The following SCUBE1 variants were observed in gnomAD, a reference collection of about 807,000 sequenced individuals.
SCUBE1 encodes the protein signal peptide, CUB domain and EGF like domain containing 1.
SCUBE1 carries 59 observed loss-of-function variants against 124.4 expected under a neutral mutation model. The observed-to-expected ratio is 0.47, with a 90% CI of 0.38 to 0.59. The LOEUF (loss-of-function observed/expected upper bound fraction) is 0.59. Ranked by LOEUF, SCUBE1 falls within the 20% of genes least tolerant of loss-of-function variation. The pLI, the probability that SCUBE1 is intolerant of heterozygous loss-of-function variation, is 0.00. For synonymous variants in SCUBE1, 545 were observed against 550.9 expected (o/e 0.99, Z 0.15); for missense variants, 1,150 against 1,371.2 (o/e 0.84, Z 2.55).
rs1451620679 is a variant in SCUBE1 at position 43,212,471 on chromosome 22, G to A, written c.2175C>T (p.Leu725=). The change falls in exon 17 of 22, where the codon CTC becomes CTT. Residue 725 remains leucine, a synonymous_variant. Coordinates refer to ENST00000360835, the MANE Select transcript of SCUBE1 (RefSeq NM_173050.5). ...AGGAGGTGGTGCCTTCGTGTTTGGT[G>A]AGCAAACCCCCTCCACAGGGGAAGC... ...TGCFPCGGGL[L]TKHEGTTSFQ... The A allele has an allele frequency of 6.4e-7, 1 of 1,553,732 alleles. No individual in the cohort carries two copies. The highest frequency in any genetic ancestry group is 1.4e-5 in the African/African-American group (1 of 73,234).
At chr22:43,315,508 A>G (rs1601884492) in intron 3 of SCUBE1, among the ~76,000 whole-genome samples, 1 of 152,308 alleles carries the variant, frequency 6.6e-6, no homozygotes, top group Non-Finnish European at 1.5e-5. Flanking sequence ...GACTCCAAGA[A>G]GTCGGTTAAC....
intron 11 of SCUBE1, 115 bp downstream of exon 11, chr22:43,222,982 G>A: frequency 1.4e-6 from 2 of 1,379,542 alleles, no homozygotes; most frequent in Non-Finnish European, 2.0e-6. Flanking sequence ...AGTTATCAGA[G>A]ACCCTCATTC....
In SCUBE1 at chr22:43,218,398, T is replaced by C; in HGVS notation, c.1748A>G (p.Lys583Arg). ...RAEQSLQAAI[K>R]TLRKSIGRQQ... ...CCGGCCGATGGACTTGCGCAGGGTCTTGATGGCGGCCTGCAGGCTCTGTTC... is the reference window on the plus strand; with the variant it reads ...CCGGCCGATGGACTTGCGCAGGGTCCTGATGGCGGCCTGCAGGCTCTGTTC... Residue 583 changes from lysine to arginine, a missense_variant, in exon 15 of 22, where the codon AAG becomes AGG. Physicochemically the swap from Lys to Arg is conservative, Grantham distance 26. Coordinates refer to ENST00000360835, the MANE Select transcript of SCUBE1 (RefSeq NM_173050.5). 1 of 1,613,484 alleles carries C rather than the reference T, an allele frequency of 6.2e-7. No individual in the cohort carries two copies. The highest frequency in any genetic ancestry group is 8.5e-7 in the Non-Finnish European group (1 of 1,180,048).
At chr22:43,300,830 T>C (rs998618002) in intron 3 of SCUBE1, among the ~76,000 whole-genome samples, 2 of 151,994 alleles carry the variant, frequency 1.3e-5, no homozygotes, top group Non-Finnish European at 1.5e-5. Flanking sequence ...CTTGGCTACC[T>C]ATCTGCCAAG....
chr22:43,316,545 G>A (rs1926353679), intron 3 of SCUBE1, among the ~76,000 whole-genome samples: 2 of 152,194 alleles, frequency 1.3e-5, no homozygotes, highest in South Asian at 4.1e-4. Flanking sequence ...AACGTTGTGT[G>A]GTCCCAGTTC....
At chr22:43,319,856 T>C (rs2744874) in intron 3 of SCUBE1, 81 bp downstream of exon 3, 243,874 of 1,527,786 alleles carry the variant, frequency 0.16, 25,133 homozygotes, top group African/African-American at 0.5. Context: ...GAGAACCTTC[T>C]CATGGCTCCC....
In SCUBE1 at chr22:43,210,301, C is replaced by G. The variant is rs527370292; in HGVS notation, c.2384-61G>C. On this transcript the variant is annotated intron_variant, in intron 18 of 21. Transcript: ENST00000360835. This position sits in a 1 kb window ranked among gnomAD's most constrained non-coding sequence, Gnocchi z 4.5. Reference sequence around the variant, plus strand: ...CTGCTGGGCAGGGGCCCTGGCCGGCCAGGCCTCTAACCACCTGGGAGGCCT... The same window carrying G: ...CTGCTGGGCAGGGGCCCTGGCCGGCGAGGCCTCTAACCACCTGGGAGGCCT... 9.0e-5 allele frequency: 128 copies of G among 1,423,414 alleles called. 2 individuals carry two copies. The South Asian group carries it at 1.6e-3, about 18-fold the overall frequency. The allele number at this position is 1,423,414 out of a possible 1,614,324, so 88.2% of individuals were successfully genotyped here. A position where few individuals can be genotyped will look rare whatever the true frequency, so the allele number is the denominator to read the frequency against.
At chr22:43,239,325 G>A (rs1922903743) in intron 6 of SCUBE1, among the ~76,000 whole-genome samples, 1 of 152,252 alleles carries the variant, frequency 6.6e-6, no homozygotes, top group Non-Finnish European at 1.5e-5. Context: ...ACTTTGACCT[G>A]CCTGGACTCA....
In SCUBE1 at chr22:43,231,893, G is replaced by GA; in HGVS notation, c.845-19dup. ...GTTGATGTCTGTGGGAGCCAAGGGGGATGGAGGAGTGAGAGCCAGGAGAAT... is the reference window on the plus strand; with the variant it reads ...GTTGATGTCTGTGGGAGCCAAGGGGGAATGGAGGAGTGAGAGCCAGGAGAAT... On this transcript the variant is annotated intron_variant, in intron 7 of 21. Coordinates refer to ENST00000360835, the MANE Select transcript of SCUBE1 (RefSeq NM_173050.5). 6.2e-7 allele frequency: 1 copy of GA among 1,610,610 alleles called. No homozygotes were observed.
intron 3 of SCUBE1, among the ~76,000 whole-genome samples, chr22:43,297,294 C>T (rs367830926): frequency 5.3e-5 from 8 of 152,244 alleles, no homozygotes; most frequent in African/African-American, 1.4e-4. Context: ...CCTCTCCCTC[C>T]CAATCCCTTC....
intron 6 of SCUBE1, among the ~76,000 whole-genome samples, chr22:43,239,589 G>A (rs11704831): frequency 0.016 from 2,447 of 152,386 alleles, 29 homozygotes; most frequent in Non-Finnish European, 0.027. Flanking sequence ...AAAGGGGCTA[G>A]AGTGGCTCAG....
intron 3 of SCUBE1, among the ~76,000 whole-genome samples, chr22:43,300,296 CT>C (rs58777690): frequency 0.077 from 11,370 of 147,574 alleles, 863 homozygotes; most frequent in East Asian, 0.22. Flanking sequence ...CCTTTCTGGG[CT>C]TTTTTTTTTT....
Position 43,330,998 on chromosome 22 carries a change from C to A in SCUBE1, c.220+8106G>T, listed in dbSNP as rs562982284. Among the ~76,000 whole-genome samples the A allele has an allele frequency of 8.5e-5, 13 of 152,206 alleles. No homozygotes were observed. The East Asian group carries it at 2.3e-3, about 27-fold the overall frequency. ...CTGCCTTTCCTGGCCTCCCAAAAAG[C>A]AGGATTTTATCTGGAGTTTCAATAA... On this transcript the variant is annotated intron_variant, in intron 2 of 21. Coordinates refer to ENST00000360835, the MANE Select transcript of SCUBE1 (RefSeq NM_173050.5).
intron 3 of SCUBE1, among the ~76,000 whole-genome samples, chr22:43,294,000 G>T (rs1223356134): frequency 6.6e-6 from 1 of 151,824 alleles, no homozygotes; most frequent in Admixed American, 6.6e-5. Context: ...TGGCAGGGCG[G>T]CTGGGCCTTG....
In SCUBE1 at chr22:43,210,118, T is replaced by G; in HGVS notation, c.2506A>C (p.Ile836Leu). 6.2e-7 allele frequency: 1 copy of G among 1,612,956 alleles called. No homozygotes were observed. The highest frequency in any genetic ancestry group is 1.3e-5 in the African/African-American group (1 of 75,040). ...WHIAPPPKRRILIVVPEIFLP... is the reference protein window; with the variant it reads ...WHIAPPPKRRLLIVVPEIFLP... ...AAGATCTCAGGGACCACGATGAGGA[T>G]CCTGCGCTTTGGGGGAGGCGCGATG... The change falls in exon 19 of 22, where the codon ATC becomes CTC. Residue 836 changes from isoleucine to leucine, a missense_variant. Coordinates refer to ENST00000360835, the MANE Select transcript of SCUBE1 (RefSeq NM_173050.5). This position sits in a 1 kb window ranked among gnomAD's most constrained non-coding sequence, Gnocchi z 4.5.
intron 4 of SCUBE1, chr22:43,283,378 G>A (rs1036576344): frequency 2.6e-5 from 4 of 152,086 alleles, no homozygotes; most frequent in Non-Finnish European, 5.9e-5. Flanking sequence ...ACATGGGAGC[G>A]GCTAGTACTC....
Position 43,207,625 on chromosome 22 carries a change from G to T in SCUBE1, c.2735-12C>A. 1 of 1,610,760 alleles carries T rather than the reference G, an allele frequency of 6.2e-7. No individual in the cohort carries two copies. Among genetic ancestry groups the T allele is most frequent in the South Asian group, 1.1e-5 (1 of 91,036 alleles). On this transcript the variant is annotated splice_polypyrimidine_tract_variant and intron_variant, in intron 20 of 21. Transcript: ENST00000360835. ...TTGCTGGTAGTCCTCTGGGCAGCGG[G>T]TCAGCAGGGGGAGAGGAAGGCGAGG... is the stretch of plus-strand genomic sequence containing the variant.
rs772127792 is a variant in SCUBE1 at position 43,208,169 on chromosome 22, G to A, written c.2637C>T (p.Ile879=). The A allele has an allele frequency of 2.5e-6, 4 of 1,614,074 alleles. No individual in the cohort carries two copies. Among genetic ancestry groups the A allele is most frequent in the Non-Finnish European group, 3.4e-6 (4 of 1,179,984 alleles). ...YETCQTYERP[I]AFTSRSRKLW... The stretch of plus-strand genomic sequence containing the variant: ...GCTTGCGGGAGCGGGAGGTGAAGGC[G>A]ATGGGCCTCTCGTAGGTCTGGCAGG... Residue 879 remains isoleucine (I), a synonymous_variant, in exon 20 of 22, where the codon ATC becomes ATT. Coordinates refer to ENST00000360835, the MANE Select transcript of SCUBE1 (RefSeq NM_173050.5).
At chr22:43,324,632 G>T (rs1926662458) in intron 2 of SCUBE1, among the ~76,000 whole-genome samples, 1 of 152,066 alleles carries the variant, frequency 6.6e-6, no homozygotes, top group East Asian at 1.9e-4. Context: ...AAAGCAAGTG[G>T]ATTTATTATT....
Sources: allele counts gnomAD v4.1 joint callset (sites outside exome capture counted in the v4.1 genomes callset), GRCh38; gene constraint gnomAD v4.1.1; non-coding constraint Gnocchi (gnomAD v3.1); transcripts MANE v1.5; gene names NCBI Gene and HGNC (gene_info 2026-07-23, HGNC 2026-07-21).